FRMD6: variants seen among roughly 807,000 people sequenced by gnomAD.
The protein encoded by FRMD6 is FERM domain-containing protein 6.
FRMD6 carries 37 observed loss-of-function variants against 73.2 expected under a neutral mutation model. The observed-to-expected ratio is 0.51, with a 90% CI of 0.39 to 0.66. FRMD6 has a LOEUF of 0.66. FRMD6 is among the 30% of genes least tolerant of loss of function. The pLI is 0.00. For missense variants in FRMD6, 714 were observed against 780.5 expected, an observed-to-expected ratio of 0.91 and a Z score of 1.02; for synonymous variants, 273 against 282.2, an observed-to-expected ratio of 0.97 and a Z score of 0.33.
chr14:51,681,155 A>G (rs892524265), intron 1 of FRMD6, among the ~76,000 whole-genome samples: 31 of 152,234 alleles, frequency 2.0e-4, no homozygotes, highest in African/African-American at 6.5e-4. Flanking sequence ...CTTGGCACCA[A>G]TGCAAGTCCA....
chr14:51,726,122 TCTTCAGG>T (rs1365126055), intron 13 of FRMD6, among the ~76,000 whole-genome samples: 1 of 152,226 alleles, frequency 6.6e-6, no homozygotes, highest in Admixed American at 6.5e-5. Context: ...AAGCCTCTGT[TCTTCAGG>T]CTTCAGGCGA....
chr14:51,589,051 A>T (rs1596668382), intron 2 of FRMD6, among the ~76,000 whole-genome samples: 1 of 152,226 alleles, frequency 6.6e-6, no homozygotes, highest in African/African-American at 2.4e-5. Flanking sequence ...TGATAATGGG[A>T]AGGGGATTCA....
At chr14:51,722,102 T>C (rs1432575055) in intron 12 of FRMD6, 22 bp downstream of exon 12, 2 of 1,612,836 alleles carry the variant, frequency 1.2e-6, no homozygotes, top group East Asian at 2.2e-5. Flanking sequence ...CGGGAAGTTA[T>C]TCTTCCTTGG....
intron 1 of FRMD6, among the ~76,000 whole-genome samples, chr14:51,550,653 G>A (rs866792753): frequency 6.6e-6 from 1 of 152,008 alleles, no homozygotes; most frequent in South Asian, 2.1e-4. Flanking sequence ...GAGGAAGGGC[G>A]GGATAGTGAG....
rs145756987 is a variant in FRMD6 at position 51,692,987 on chromosome 14, C to G, written c.99+3052C>G. On this transcript the variant is annotated intron_variant, in intron 2 of 13. Transcript: ENST00000344768. ...TTCACTCTCTGGAATTCTGGTTACTCGATTGTGTTTCAACTTGCCCAGTAC... is the reference window on the plus strand; with the variant it reads ...TTCACTCTCTGGAATTCTGGTTACTGGATTGTGTTTCAACTTGCCCAGTAC... 5.6e-4 allele frequency: 86 copies of G among 152,274 alleles called. 2 individuals carry two copies. In the East Asian group the frequency reaches 0.014, roughly 24 times the overall value. The allele number at this position is 152,274 out of a possible 1,614,324, so 9.4% of individuals were successfully genotyped here.
chr14:51,542,816 A>G (rs1429678634), intron 1 of FRMD6, among the ~76,000 whole-genome samples: 2 of 152,032 alleles, frequency 1.3e-5, no homozygotes, highest in Non-Finnish European at 2.9e-5. Flanking sequence ...ATTCTGAGTG[A>G]GTGTGAAGTC....
chr14:51,556,851 T>G (rs549289905), intron 1 of FRMD6, among the ~76,000 whole-genome samples: 2 of 152,196 alleles, frequency 1.3e-5, no homozygotes, highest in Non-Finnish European at 2.9e-5. Context: ...AAAACTTTAT[T>G]CAAGTGGCTT....
At chr14:51,412,494 G>GTT in the FRMD6 span, among the ~76,000 whole-genome samples, 3 of 151,892 alleles carry the variant, frequency 2.0e-5, no homozygotes, top group African/African-American at 7.3e-5. Flanking sequence ...GTAAGAGAGG[G>GTT]GGAGGGAAAA....
chr14:51,711,554 G>T lies in FRMD6; in HGVS notation c.738G>T (p.Ser246=). The T allele has an allele frequency of 1.9e-6, 3 of 1,604,898 alleles. No individual in the cohort carries two copies. Among genetic ancestry groups the T allele is most frequent in the African/African-American group, 1.3e-5 (1 of 74,870 alleles). ...AGGATAAAAGGGAAATTGAAGCATC[G>T]CTGACTCTTGGATTGACCATGAGGG... ...LYKDKREIEA[S]LTLGLTMRGI... The change falls in exon 8 of 14, where the codon TCG becomes TCT. Residue 246 remains serine (S), a synonymous_variant. Coordinates refer to ENST00000344768, the MANE Select transcript of FRMD6 (RefSeq NM_001267046.2).
At chr14:51,457,352 GA>G in the FRMD6 span, among the ~76,000 whole-genome samples, 6 of 150,076 alleles carry the variant, frequency 4.0e-5, no homozygotes, top group East Asian at 1.9e-4. Context: ...ATGATGACTA[GA>G]AAAAAAAACA....
intron 1 of FRMD6, among the ~76,000 whole-genome samples, chr14:51,675,763 C>T (rs190953485): frequency 1.2e-3 from 188 of 152,082 alleles, no homozygotes; most frequent in African/African-American, 4.4e-3. Context: ...CACTTTGCAT[C>T]ATTCTGCACA....
chr14:51,509,824 C>T (rs979210945), intron 1 of FRMD6, among the ~76,000 whole-genome samples: 3 of 152,038 alleles, frequency 2.0e-5, no homozygotes, highest in African/African-American at 7.2e-5. Flanking sequence ...TGGGATTTTG[C>T]CATGTTGGCC....
At chr14:51,609,452 G>T (rs895811444) in intron 2 of FRMD6, among the ~76,000 whole-genome samples, 3 of 152,176 alleles carry the variant, frequency 2.0e-5, no homozygotes, top group African/African-American at 7.2e-5. Context: ...CTCAGGAAAC[G>T]GTTGGGGAGA....
At chr14:51,564,472 G>C (rs1887667193) in intron 1 of FRMD6, among the ~76,000 whole-genome samples, 1 of 152,154 alleles carries the variant, frequency 6.6e-6, no homozygotes, top group Non-Finnish European at 1.5e-5. Context: ...AAAATGGAGC[G>C]ACCTGAAGGG....
At chr14:51,684,174 A>C (rs928850311) in intron 1 of FRMD6, among the ~76,000 whole-genome samples, 11 of 146,910 alleles carry the variant, frequency 7.5e-5, no homozygotes, top group South Asian at 2.2e-4. Context: ...AAAAAAAAAA[A>C]CCCTCATAGT....
chr14:51,651,824 C>CGGGGGGGGCGGGGATTCG (rs1309253263), upstream of FRMD6: 2 of 31,374 alleles, frequency 6.4e-5, no homozygotes, highest in Non-Finnish European at 1.0e-4. Context: ...GGCGGGGATT[C>CGGGGGGGGCGGGGATTCG]GGGGGGGCGG....
Position 51,715,387 on chromosome 14 carries a change from G to A in FRMD6, c.912G>A (p.Thr304=). 1.9e-6 allele frequency: 3 copies of A among 1,613,456 alleles called. No individual in the cohort carries two copies. The highest frequency in any genetic ancestry group is 1.7e-6 in the Non-Finnish European group (2 of 1,179,632). Residue 304 remains threonine (T), a synonymous_variant, in exon 10 of 14, where the codon ACG becomes ACA. Coordinates refer to ENST00000344768, the MANE Select transcript of FRMD6 (RefSeq NM_001267046.2). ...CTGCCCGGAAGCTCATATACTACAC[G>A]GGGTGCCCCATGCGCTCCAGACACC... ...LPSARKLIYY[T]GCPMRSRHLL... is the part of the protein sequence containing the mutation.
intron 1 of FRMD6, among the ~76,000 whole-genome samples, chr14:51,540,367 T>G (rs1171829956): frequency 6.6e-6 from 1 of 152,180 alleles, no homozygotes; most frequent in African/African-American, 2.4e-5. Context: ...GATGTATATT[T>G]TAGATGTTCC....
intron 9 of FRMD6, chr14:51,714,786 G>A (rs1897154008): frequency 6.6e-6 from 1 of 151,838 alleles, no homozygotes; most frequent in South Asian, 2.1e-4. Context: ...TTATTATTTT[G>A]TGTGTTTCTT....
Sources: gnomAD v4.1 joint callset for allele counts (sites outside exome capture counted in the v4.1 genomes callset) on GRCh38, gnomAD v4.1.1 for gene constraint, MANE v1.5 for transcripts, NCBI Gene and HGNC (gene_info 2026-07-23, HGNC 2026-07-21) for gene names.